Variants in HTR1F observed in about 807,000 individuals in gnomAD.
HTR1F encodes the protein 5-hydroxytryptamine (serotonin) receptor 1F, G protein-coupled.
In HTR1F, 17 loss-of-function variants were observed where a neutral mutation model predicts 24.0. That is an observed-to-expected ratio of 0.71 (90% confidence interval 0.48 to 1.06). The LOEUF (loss-of-function observed/expected upper bound fraction) is 1.06. Ranked by LOEUF, HTR1F falls within the 50% of genes least tolerant of loss-of-function variation. HTR1F has a pLI of 0.00. For synonymous variants in HTR1F, 186 were observed against 156.8 expected (o/e 1.19, Z -1.39); for missense variants, 391 against 427.8 (o/e 0.91, Z 0.76).
At chr3:87,887,393 A>G (rs1049155108) in intron 2 of HTR1F, among the ~76,000 whole-genome samples, 3 of 152,236 alleles carry the variant, frequency 2.0e-5, no homozygotes, top group African/African-American at 7.2e-5. Flanking sequence ...CCTAGGCAAT[A>G]CCATTCATGA....
chr3:87,821,593 A>G (rs1704360814), intron 1 of HTR1F, among the ~76,000 whole-genome samples: 1 of 152,168 alleles, frequency 6.6e-6, no homozygotes, highest in African/African-American at 2.4e-5. Flanking sequence ...TTATTTGATA[A>G]CACTGTTCAT....
At chr3:87,963,093 C>G (rs1252488762) in intron 2 of HTR1F, among the ~76,000 whole-genome samples, 2 of 151,928 alleles carry the variant, frequency 1.3e-5, no homozygotes, top group Non-Finnish European at 2.9e-5. Flanking sequence ...TTTGTTAATA[C>G]ATGGAAAATT....
intron 2 of HTR1F, among the ~76,000 whole-genome samples, chr3:87,981,346 T>C (rs4858969): frequency 0.6 from 90,796 of 152,010 alleles, 27,374 homozygotes; most frequent in South Asian, 0.73. Flanking sequence ...AGCCACACAC[T>C]GCCATACCCG....
chr3:87,831,608 T>C (rs1202540421), intron 2 of HTR1F, among the ~76,000 whole-genome samples: 1 of 152,064 alleles, frequency 6.6e-6, no homozygotes, highest in Admixed American at 6.5e-5. Flanking sequence ...GTGATCTGCC[T>C]GCCTCAGCCT....
At chr3:87,980,086 G>A (rs1316193462) in intron 2 of HTR1F, among the ~76,000 whole-genome samples, 2 of 152,220 alleles carry the variant, frequency 1.3e-5, no homozygotes, top group African/African-American at 4.8e-5. Context: ...CCCTGTTTGT[G>A]TTACAGCTCT....
chr3:87,825,318 T>C (rs1704440823), intron 2 of HTR1F, among the ~76,000 whole-genome samples: 1 of 152,202 alleles, frequency 6.6e-6, no homozygotes, highest in South Asian at 2.1e-4. Context: ...CTTTATATTG[T>C]AGTTTGCCTG....
At chr3:87,958,029 C>T (rs1373857988) in intron 2 of HTR1F, among the ~76,000 whole-genome samples, 1 of 151,260 alleles carries the variant, frequency 6.6e-6, no homozygotes, top group Non-Finnish European at 1.5e-5. Flanking sequence ...TCTAAATCCC[C>T]TCTAAGAATA....
intron 1 of HTR1F, among the ~76,000 whole-genome samples, chr3:87,817,675 T>C (rs1704275572): frequency 6.6e-6 from 1 of 152,204 alleles, no homozygotes; most frequent in African/African-American, 2.4e-5. Flanking sequence ...AGCTGAAATG[T>C]GACTTTATTG....
intron 1 of HTR1F, among the ~76,000 whole-genome samples, chr3:87,797,556 T>C (rs1327326481): frequency 6.6e-6 from 1 of 152,098 alleles, no homozygotes; most frequent in African/African-American, 2.4e-5. Flanking sequence ...GGTAAAATGA[T>C]AGAAGGAAGA....
chr3:87,929,061 T>G (rs1377404058), intron 2 of HTR1F, among the ~76,000 whole-genome samples: 1 of 152,212 alleles, frequency 6.6e-6, no homozygotes, highest in Non-Finnish European at 1.5e-5. Context: ...AAAAAGGATA[T>G]AAAGTATGAC....
chr3:87,802,898 C>A (rs576505287), intron 1 of HTR1F, among the ~76,000 whole-genome samples: 1 of 152,270 alleles, frequency 6.6e-6, no homozygotes, highest in South Asian at 2.1e-4. Context: ...TCCAGTGCAG[C>A]TACCACAACA....
chr3:87,811,705 A>C (rs1268366322), intron 1 of HTR1F, among the ~76,000 whole-genome samples: 1 of 152,170 alleles, frequency 6.6e-6, no homozygotes, highest in Non-Finnish European at 1.5e-5. Context: ...GATCAATTTC[A>C]AGCTATCTTC....
At chr3:87,921,617 TATA>T (rs890916077) in intron 2 of HTR1F, among the ~76,000 whole-genome samples, 3 of 151,906 alleles carry the variant, frequency 2.0e-5, no homozygotes, top group Admixed American at 6.6e-5. Flanking sequence ...TTTAAAACTA[TATA>T]ATAAGTAATT....
chr3:87,848,182 A>C (rs1433402240), intron 2 of HTR1F, among the ~76,000 whole-genome samples: 1 of 151,724 alleles, frequency 6.6e-6, no homozygotes. Context: ...CATCTGTTAA[A>C]TTTTGTCTTT....
intron 2 of HTR1F, among the ~76,000 whole-genome samples, chr3:87,836,840 T>A (rs1704692967): frequency 6.6e-6 from 1 of 152,128 alleles, no homozygotes; most frequent in African/African-American, 2.4e-5. Flanking sequence ...ATTTTTTCTT[T>A]TTGTACTTCA....
intron 2 of HTR1F, among the ~76,000 whole-genome samples, chr3:87,891,624 T>C (rs1706088302): frequency 6.6e-6 from 1 of 152,208 alleles, no homozygotes; most frequent in South Asian, 2.1e-4. Flanking sequence ...AATCTGCTTA[T>C]TATCCAGTTG....
Position 87,991,133 on chromosome 3 carries a change from T to C in HTR1F, c.384T>C (p.Ala128=). The C allele has an allele frequency of 6.2e-7, 1 of 1,614,106 alleles. No individual in the cohort carries two copies. The highest frequency in any genetic ancestry group is 8.5e-7 in the Non-Finnish European group (1 of 1,180,030). Residue 128 remains alanine (A), a synonymous_variant, in exon 3 of 3, where the codon GCT becomes GCC. Transcript: ENST00000319595. ...ALDRYRAITD[A]VEYARKRTPK... The stretch of plus-strand genomic sequence containing the variant: ...ATCGGTATCGAGCAATCACAGATGC[T>C]GTTGAGTATGCCAGGAAAAGGACTC...
intron 2 of HTR1F, among the ~76,000 whole-genome samples, chr3:87,945,949 G>C (rs763759886): frequency 4.6e-5 from 7 of 152,178 alleles, no homozygotes; most frequent in Admixed American, 2.0e-4. Flanking sequence ...GGCAAGCCTC[G>C]GGTTCTCTGA....
intron 2 of HTR1F, among the ~76,000 whole-genome samples, chr3:87,894,691 A>T (rs1347505021): frequency 6.6e-6 from 1 of 150,450 alleles, no homozygotes; most frequent in Non-Finnish European, 1.5e-5. Flanking sequence ...TGTGAATTTC[A>T]TCTCTGCATT....
Sources: allele counts gnomAD v4.1 joint callset (sites outside exome capture counted in the v4.1 genomes callset), GRCh38; gene constraint gnomAD v4.1.1; transcripts MANE v1.5; gene names NCBI Gene and HGNC (gene_info 2026-07-23, HGNC 2026-07-21).